COA1: variants seen among roughly 807,000 people sequenced by gnomAD.
COA1 encodes cytochrome c oxidase assembly factor 1 homolog.
COA1 carries 13 observed loss-of-function variants against 16.0 expected under a neutral mutation model. That is an observed-to-expected ratio of 0.81 (90% CI 0.53 to 1.29). COA1 has a LOEUF of 1.29. Ranked by LOEUF, COA1 falls within the 50% of genes most tolerant of loss-of-function variation. The probability of loss-of-function intolerance (pLI) is 0.00; values close to 1 mark genes in which losing one functional copy is unlikely to be tolerated. For missense variants in COA1, 179 were observed against 177.0 expected (o/e 1.01, Z -0.06); for synonymous variants, 65 against 65.7 (o/e 0.99, Z 0.05).
Position 43,729,505 on chromosome 7 carries a change from CGCGGTCCTGCGCGCCA to C in COA1, c.-131_-116del, listed in dbSNP as rs1171566709. ...GCTTGGGAAAGCACGGGTAAATGCC[CGCGGTCCTGCGCGCCA>C]GCGGGGAGCAGTAGAGACTTCCGGC... On this transcript the variant is annotated 5_prime_UTR_variant, in exon 1 of 6. Coordinates refer to ENST00000223336, the MANE Select transcript of COA1 (RefSeq NM_018224.4). 6.6e-6 allele frequency: 1 copy of C among 152,294 alleles called. No homozygotes were observed. The highest frequency in any genetic ancestry group is 1.5e-5 in the Non-Finnish European group (1 of 68,094). The allele number at this position is 152,294 out of a possible 1,614,324, so 9.4% of individuals were successfully genotyped here.
intron 1 of COA1, among the ~76,000 whole-genome samples, chr7:43,709,100 T>C (rs1293421451): frequency 6.6e-5 from 10 of 151,660 alleles, no homozygotes; most frequent in Non-Finnish European, 1.5e-4. Context: ...CTCAGCTCAG[T>C]GCAAGCTCCG....
intron 1 of COA1, among the ~76,000 whole-genome samples, chr7:43,683,668 CTCAG>C (rs983202622): frequency 2.8e-4 from 42 of 152,218 alleles, no homozygotes; most frequent in African/African-American, 1.0e-3. Flanking sequence ...ATGAATTTCT[CTCAG>C]TAAGTAGTTC....
At chr7:43,690,054 G>C (rs1487372994) in intron 1 of COA1, among the ~76,000 whole-genome samples, 1 of 152,074 alleles carries the variant, frequency 6.6e-6, no homozygotes, top group Admixed American at 6.6e-5. Context: ...ATAATTAAAT[G>C]TAAATTGTCT....
intron 1 of COA1, among the ~76,000 whole-genome samples, chr7:43,692,391 G>A (rs936307619): frequency 2.0e-5 from 3 of 151,958 alleles, no homozygotes; most frequent in Admixed American, 6.6e-5. Context: ...CGATGGCAGC[G>A]CCTGTGGTCT....
At position 43,696,062 on chromosome 7, in the gene COA1, CA is replaced by C. The variant is rs201706299; in HGVS notation, c.-39+33366del. Among the ~76,000 whole-genome samples, 252 of 152,326 alleles carry C rather than the reference CA, an allele frequency of 1.7e-3. 5 individuals carry two copies. The East Asian group carries it at 0.036, about 22-fold the overall frequency. Reference sequence around the variant, plus strand: ...AATCACGGCGGAAGACAAGGAAGAGCAAGTCACATCTCACATGGAAGCCTGC... The same window carrying C: ...AATCACGGCGGAAGACAAGGAAGAGCAGTCACATCTCACATGGAAGCCTGC... On this transcript the variant is annotated intron_variant, in intron 1 of 5. Coordinates refer to ENST00000223336, the MANE Select transcript of COA1 (RefSeq NM_018224.4).
chr7:43,611,381 A>T (rs192575291), intron 6 of COA1, among the ~76,000 whole-genome samples: 1 of 152,214 alleles, frequency 6.6e-6, no homozygotes, highest in Non-Finnish European at 1.5e-5. Context: ...TTTTAATACC[A>T]TGGCTAAAAT....
At chr7:43,627,708 C>G (rs776464227) in intron 6 of COA1, among the ~76,000 whole-genome samples, 19 of 152,152 alleles carry the variant, frequency 1.2e-4, no homozygotes, top group Non-Finnish European at 2.4e-4. Context: ...ATCTTAACCT[C>G]GAGAGCCTTA....
At chr7:43,721,754 T>C (rs1264456555) in intron 1 of COA1, among the ~76,000 whole-genome samples, 2 of 151,768 alleles carry the variant, frequency 1.3e-5, no homozygotes, top group African/African-American at 4.8e-5. Flanking sequence ...ATTTATAATA[T>C]AAAAAGTTTA....
intron 1 of COA1, among the ~76,000 whole-genome samples, chr7:43,663,687 A>AC (rs34121130): frequency 0.072 from 9,267 of 129,276 alleles, 391 homozygotes; most frequent in Non-Finnish European, 0.12. Context: ...AAAAAAAAAA[A>AC]ACACACACAC....
At chr7:43,714,726 G>A (rs2095347477) in intron 1 of COA1, among the ~76,000 whole-genome samples, 1 of 151,652 alleles carries the variant, frequency 6.6e-6, no homozygotes, top group Non-Finnish European at 1.5e-5. Flanking sequence ...AGAAACAATA[G>A]GGTGGGCACA....
intron 1 of COA1, among the ~76,000 whole-genome samples, chr7:43,725,599 C>T (rs1282599419): frequency 6.6e-6 from 1 of 152,180 alleles, no homozygotes; most frequent in African/African-American, 2.4e-5. Flanking sequence ...TGGCTCATGC[C>T]TATAACCCCA....
At chr7:43,648,503 C>A (rs767779481) in intron 2 of COA1, 97 bp downstream of exon 2, 4 of 1,266,432 alleles carry the variant, frequency 3.2e-6, no homozygotes, top group Non-Finnish European at 4.6e-6. Context: ...CCAGGAGAAG[C>A]CCATAACTAT....
downstream of COA1, among the ~76,000 whole-genome samples, chr7:43,635,482 C>T (rs376324163): frequency 2.0e-5 from 3 of 152,186 alleles, no homozygotes; most frequent in East Asian, 3.8e-4. Flanking sequence ...CCATCTGGAA[C>T]ATTACCAATC....
Position 43,667,414 on chromosome 7 carries a change from A to G in COA1, c.-38-18762T>C, listed in dbSNP as rs182921277. On this transcript the variant is annotated intron_variant, in intron 1 of 5. Coordinates refer to ENST00000223336, the MANE Select transcript of COA1 (RefSeq NM_018224.4). ...AAGTTATATTTTGGTGAATACTAAT[A>G]TATGTTCCCAAATTGAATGGGATTT... Among the ~76,000 whole-genome samples, 12 of 152,324 alleles carry G rather than the reference A, an allele frequency of 7.9e-5. No individual in the cohort carries two copies. The East Asian group carries it at 2.1e-3, about 27-fold the overall frequency.
intron 1 of COA1, among the ~76,000 whole-genome samples, chr7:43,651,016 T>C (rs1267783541): frequency 6.6e-6 from 1 of 151,996 alleles, no homozygotes; most frequent in Non-Finnish European, 1.5e-5. Flanking sequence ...CTAGCTTCAG[T>C]TTACCTGCCC....
rs1185237695 is a variant in COA1, at chr7:43,720,982, T to A, written c.-39+8447A>T. Among the ~76,000 whole-genome samples, 22 of 152,200 alleles carry A rather than the reference T, an allele frequency of 1.4e-4. 1 individual carries two copies. Among genetic ancestry groups the A allele is most frequent in the Admixed American group, 1.4e-3 (21 of 15,282 alleles). On this transcript the variant is annotated intron_variant, in intron 1 of 5. Coordinates refer to ENST00000223336, the MANE Select transcript of COA1 (RefSeq NM_018224.4). ...CATGGCTGCTCCATTTACTGATCAA[T>A]GCCACCAACTACCAGAGATGTTATA... is the stretch of plus-strand genomic sequence containing the variant.
At chr7:43,669,476 T>C (rs1172020887) in intron 1 of COA1, among the ~76,000 whole-genome samples, 1 of 152,016 alleles carries the variant, frequency 6.6e-6, no homozygotes, top group East Asian at 1.9e-4. Flanking sequence ...CCCATATGTG[T>C]AGAGCATCAT....
At chr7:43,619,660 C>T (rs2083676275) in intron 6 of COA1, 4 of 1,613,934 alleles carry the variant, frequency 2.5e-6, no homozygotes, top group Non-Finnish European at 2.5e-6. Context: ...TGATTTTGGC[C>T]TTTCAAGAAT....
chr7:43,727,207 CAG>C (rs1300043605), intron 1 of COA1, among the ~76,000 whole-genome samples: 1 of 152,144 alleles, frequency 6.6e-6, no homozygotes, highest in Non-Finnish European at 1.5e-5. Flanking sequence ...ATCAGAAAGA[CAG>C]ATAATGACAA....
Sources: allele counts gnomAD v4.1 joint callset (sites outside exome capture counted in the v4.1 genomes callset), GRCh38; gene constraint gnomAD v4.1.1; transcripts MANE v1.5; gene names NCBI Gene and HGNC (gene_info 2026-07-23, HGNC 2026-07-21).